Variants in TRMT61B observed in about 807,000 individuals in gnomAD.
TRMT61B encodes tRNA (adenine(58)-N(1))-methyltransferase, mitochondrial.
A neutral mutation model predicts 52.0 loss-of-function variants in TRMT61B; 56 were observed. The ratio of observed to expected loss-of-function variants is 1.08; its 90% CI spans 0.87 to 1.35. The LOEUF (loss-of-function observed/expected upper bound fraction) is 1.35. Among genes scored for constraint, TRMT61B ranks in the 40% most tolerant of loss-of-function variants. The probability of loss-of-function intolerance (pLI) is 0.00; values close to 1 mark genes in which losing one functional copy is unlikely to be tolerated. For missense variants in TRMT61B, 650 were observed against 577.9 expected (o/e 1.12, Z -1.28); for synonymous variants, 206 against 220.0 (o/e 0.94, Z 0.56).
intron 3 of TRMT61B, among the ~76,000 whole-genome samples, chr2:28,859,128 G>A (rs1179011713): frequency 6.6e-6 from 1 of 151,944 alleles, no homozygotes; most frequent in African/African-American, 2.4e-5. Flanking sequence ...CACCCAGGCT[G>A]GAGTGCAGTG....
intron 3 of TRMT61B, among the ~76,000 whole-genome samples, chr2:28,858,309 G>T (rs72784066): frequency 6.6e-6 from 1 of 151,680 alleles, no homozygotes; most frequent in African/African-American, 2.4e-5. Context: ...CAAAGTGCTG[G>T]GATTACAGGT....
chr2:28,868,788 G>C (rs998861186), intron 1 of TRMT61B, among the ~76,000 whole-genome samples: 1 of 152,200 alleles, frequency 6.6e-6, no homozygotes, highest in Non-Finnish European at 1.5e-5. Context: ...CGAGGTGGGC[G>C]GATCACTTGA....
At chr2:28,866,106 C>T (rs1285371285) in intron 1 of TRMT61B, among the ~76,000 whole-genome samples, 2 of 151,870 alleles carry the variant, frequency 1.3e-5, no homozygotes, top group Non-Finnish European at 2.9e-5. Context: ...TCTCCTGCTT[C>T]AGCCTCCCAA....
chr2:28,869,881 C>T lies in TRMT61B; in HGVS notation c.397G>A (p.Glu133Lys). The change falls in exon 1 of 7, where the codon GAG becomes AAG. Residue 133 changes from glutamate (E) to lysine (K), a missense_variant. Coordinates refer to ENST00000306108, the MANE Select transcript of TRMT61B (RefSeq NM_017910.4). ...SMLSQAQSATEVEERHVSPSC... is the reference protein window; with the variant it reads ...SMLSQAQSATKVEERHVSPSC... ...GGGGAGACGTGACGCTCTTCGACCT[C>T]GGTAGCGGACTGGGCCTGCGAGAGC... is the stretch of plus-strand genomic sequence containing the variant. The T allele has an allele frequency of 6.2e-7, 1 of 1,614,124 alleles. No individual in the cohort carries two copies. The highest frequency in any genetic ancestry group is 8.5e-7 in the Non-Finnish European group (1 of 1,179,998).
intron 2 of TRMT61B, chr2:28,861,514 A>C (rs1249324668): frequency 3.9e-6 from 2 of 515,042 alleles, no homozygotes; most frequent in Non-Finnish European, 6.8e-6. Flanking sequence ...TACCTTTCCC[A>C]TGATAGTCAC....
chr2:28,865,829 T>G (rs944360291), intron 1 of TRMT61B, among the ~76,000 whole-genome samples: 5 of 144,508 alleles, frequency 3.5e-5, no homozygotes, highest in Non-Finnish European at 7.6e-5. Flanking sequence ...TACAGGTGCC[T>G]GCCACCATGC....
chr2:28,864,685 T>C (rs972897683), intron 2 of TRMT61B, among the ~76,000 whole-genome samples: 3 of 152,190 alleles, frequency 2.0e-5, no homozygotes, highest in African/African-American at 4.8e-5. Flanking sequence ...GTGGTCACTA[T>C]ACAAAGATTC....
Position 28,862,864 on chromosome 2 carries a change from T to TTGTGTG in TRMT61B, c.803-1562_803-1557dup, listed in dbSNP as rs34139201. Among the ~76,000 whole-genome samples, 523 of 144,026 alleles carry TTGTGTG rather than the reference T, an allele frequency of 3.6e-3. 4 individuals carry two copies. The highest frequency in any genetic ancestry group is 3.7e-3 in the Non-Finnish European group (245 of 65,894). The allele number at this position is 144,026 out of a possible 152,430, so 94.5% of individuals were successfully genotyped here. ...AAAAAAAAATTAAAGGTATTTGTATTTGTGTGTGTGTGTGTGTGTGTGTGT... is the reference window on the plus strand; with the variant it reads ...AAAAAAAAATTAAAGGTATTTGTATTTGTGTGTGTGTGTGTGTGTGTGTGTGTGTGT... On this transcript the variant is annotated intron_variant, in intron 2 of 6. Coordinates refer to ENST00000306108, the MANE Select transcript of TRMT61B (RefSeq NM_017910.4).
rs536742591 is a variant in TRMT61B, at chr2:28,869,119, A to C, written c.699+460T>G. ...TATAAAACTCTATTTCTTCCCTAAA[A>C]GGGGAAAAGCACCGTAATGTACCTA... On this transcript the variant is annotated intron_variant, in intron 1 of 6. Coordinates refer to ENST00000306108, the MANE Select transcript of TRMT61B (RefSeq NM_017910.4). Among the ~76,000 whole-genome samples the C allele has an allele frequency of 3.9e-5, 6 of 152,334 alleles. No individual in the cohort carries two copies. The South Asian group carries it at 1.2e-3, about 32-fold the overall frequency.
intron 3 of TRMT61B, among the ~76,000 whole-genome samples, chr2:28,858,875 T>C (rs888459463): frequency 2.7e-5 from 4 of 150,786 alleles, no homozygotes; most frequent in Non-Finnish European, 5.9e-5. Context: ...TACACATCTA[T>C]ACATACATAT....
intron 3 of TRMT61B, among the ~76,000 whole-genome samples, chr2:28,858,328 T>C (rs976918328): frequency 4.6e-5 from 7 of 151,892 alleles, no homozygotes; most frequent in Admixed American, 2.0e-4. Context: ...GTGTGAGCCA[T>C]TGCGCCCGGC....
In TRMT61B at chr2:28,869,854, A is replaced by G; in HGVS notation, c.424T>C (p.Ser142Pro). 6.2e-7 allele frequency: 1 copy of G among 1,613,504 alleles called. No individual in the cohort carries two copies. The highest frequency in any genetic ancestry group is 8.5e-7 in the Non-Finnish European group (1 of 1,179,968). ...TEVEERHVSP[S>P]CSTSRERPFQ... Reference sequence around the variant, plus strand: ...GGTCTCTCTCTGGAAGTTGAACAAGAAGGGGAGACGTGACGCTCTTCGACC... The same window carrying G: ...GGTCTCTCTCTGGAAGTTGAACAAGGAGGGGAGACGTGACGCTCTTCGACC... The change falls in exon 1 of 7, where the codon TCT becomes CCT. Residue 142 changes from serine to proline, a missense_variant. By Grantham distance (74) the Ser-to-Pro change is moderately conservative (BLOSUM62 -1). Transcript: ENST00000306108.
intron 1 of TRMT61B, 43 bp downstream of exon 1, chr2:28,869,536 G>C (rs757542771): frequency 7.2e-7 from 1 of 1,380,884 alleles, no homozygotes. Context: ...ATCTGTCTTT[G>C]CCCCTCCTGA....
chr2:28,853,835 C>A (rs76082753), intron 3 of TRMT61B, among the ~76,000 whole-genome samples: 10 of 149,542 alleles, frequency 6.7e-5, no homozygotes, highest in African/African-American at 7.4e-5. Flanking sequence ...GATTCTGTCT[C>A]AAAAAAAAAA....
In TRMT61B at chr2:28,869,945, C is replaced by G; in HGVS notation, c.333G>C (p.Arg111=). Residue 111 remains arginine (R), a synonymous_variant, in exon 1 of 7, where the codon CGG becomes CGC. Coordinates refer to ENST00000306108, the MANE Select transcript of TRMT61B (RefSeq NM_017910.4). ...CGGATCCCTGGTGTGTGGGACCGCA[C>G]CGGCCCTGGTCTCCGCTCGAGTCCT... The part of the protein sequence containing the change: ...ELEDSSGDQG[R]CGPTHQGSED... 1 of 1,613,910 alleles carries G rather than the reference C, an allele frequency of 6.2e-7. No homozygotes were observed. Among genetic ancestry groups the G allele is most frequent in the Non-Finnish European group, 8.5e-7 (1 of 1,180,016 alleles).
rs779066452 is a variant in TRMT61B at position 28,851,076 on chromosome 2, G to T, written c.1308C>A (p.Asp436Glu). 6.3e-7 allele frequency: 1 copy of T among 1,598,470 alleles called. No homozygotes were observed. ...TAAAGTAAAACTGAAGCTCACCATG[G>T]TCATCCTCTTGAAACAGCTCACCTT... ...GVKGELFQED[D>E]HEESHSDFPY... is the part of the protein sequence containing the mutation. Residue 436 changes from aspartate (D) to glutamate (E), a missense_variant, in exon 5 of 7, where the codon GAC (aspartate) becomes GAA (glutamate). Coordinates refer to ENST00000306108, the MANE Select transcript of TRMT61B (RefSeq NM_017910.4).
chr2:28,855,927 C>T (rs1181648558), intron 3 of TRMT61B, among the ~76,000 whole-genome samples: 4 of 152,044 alleles, frequency 2.6e-5, no homozygotes, highest in Admixed American at 1.3e-4. Context: ...GCCGAGATCA[C>T]GCCATTGCAC....
intron 2 of TRMT61B, among the ~76,000 whole-genome samples, chr2:28,864,263 C>T (rs1669734022): frequency 6.6e-6 from 1 of 152,116 alleles, no homozygotes; most frequent in Non-Finnish European, 1.5e-5. Flanking sequence ...TTCCATATTC[C>T]CTCAGGCTAA....
intron 3 of TRMT61B, among the ~76,000 whole-genome samples, chr2:28,853,230 C>T (rs1277894672): frequency 6.6e-6 from 1 of 150,828 alleles, no homozygotes; most frequent in Non-Finnish European, 1.5e-5. Context: ...GGCTGGAGTA[C>T]AGTGGCACAA....
Sources: allele counts gnomAD v4.1 joint callset (sites outside exome capture counted in the v4.1 genomes callset), GRCh38; gene constraint gnomAD v4.1.1; transcripts MANE v1.5; gene names NCBI Gene and HGNC (gene_info 2026-07-23, HGNC 2026-07-21).